The following DCDC1 variants were observed in gnomAD, a reference collection of about 807,000 sequenced individuals.
DCDC1 encodes the protein doublecortin domain-containing protein 1.
Under a neutral mutation model 178.3 loss-of-function variants are expected in DCDC1, and 200 were observed. That is an observed-to-expected ratio of 1.12 (90% CI 1.00 to 1.26). The LOEUF is 1.26. Among genes scored for constraint, DCDC1 ranks in the 50% most tolerant of loss-of-function variants. DCDC1 has a pLI of 0.00. For missense variants in DCDC1, 1,983 were observed against 1,749.2 expected, an observed-to-expected ratio of 1.13 and a Z score of -2.38; for synonymous variants, 690 against 604.8, an observed-to-expected ratio of 1.14 and a Z score of -2.07.
At chr11:30,968,004 C>T (rs1489072637) in intron 20 of DCDC1, among the ~76,000 whole-genome samples, 1 of 152,096 alleles carries the variant, frequency 6.6e-6, no homozygotes, top group Non-Finnish European at 1.5e-5. Context: ...AACAAGGATG[C>T]TTTGTCTAAA....
At chr11:31,047,606 T>C (rs746936973) in intron 20 of DCDC1, among the ~76,000 whole-genome samples, 2 of 152,224 alleles carry the variant, frequency 1.3e-5, no homozygotes, top group Non-Finnish European at 2.9e-5. Context: ...GGTGATTTAA[T>C]ATACTCAATT....
intron 11 of DCDC1, among the ~76,000 whole-genome samples, chr11:31,115,693 C>T (rs191417642): frequency 1.6e-3 from 238 of 152,128 alleles, no homozygotes; most frequent in Middle Eastern, 3.4e-3. Flanking sequence ...GACCCTGAGA[C>T]CAAGATTTGC....
In DCDC1 at chr11:31,103,640, T is replaced by G. The variant is rs748937781; in HGVS notation, c.1877+4A>C. On this transcript the variant is annotated splice_donor_region_variant and intron_variant, in intron 14 of 38. Coordinates refer to ENST00000684477, the MANE Select transcript of DCDC1 (RefSeq NM_001387274.1). The stretch of plus-strand genomic sequence containing the variant: ...ATCTTTAACAAGATTACTTGTTAAT[T>G]TACTTGCCACATCCAGGTAGCAGAA... 2 of 757,324 alleles carry G rather than the reference T, an allele frequency of 2.6e-6. No homozygotes were observed. Among genetic ancestry groups the G allele is most frequent in the Admixed American group, 3.6e-5 (2 of 56,176 alleles). The allele number at this position is 757,324 out of a possible 1,614,324, so 46.9% of individuals were successfully genotyped here. A position where few individuals can be genotyped will look rare whatever the true frequency, so the allele number is the denominator to read the frequency against.
rs117633013 is a variant in DCDC1, at chr11:31,278,937, G to A, written c.960+11710C>T. Among the ~76,000 whole-genome samples, 58 of 152,134 alleles carry A rather than the reference G, an allele frequency of 3.8e-4. 2 individuals are homozygous for A. In the East Asian group the frequency reaches 9.1e-3, roughly 24 times the overall value. Reference sequence around the variant, plus strand: ...GCTATCTAATTCCTTTGCATTTCTAGCATTTCCACGTATATTTTAGAAATA... The same window carrying A: ...GCTATCTAATTCCTTTGCATTTCTAACATTTCCACGTATATTTTAGAAATA... On this transcript the variant is annotated intron_variant, in intron 7 of 38. Coordinates refer to ENST00000684477, the MANE Select transcript of DCDC1 (RefSeq NM_001387274.1).
At chr11:31,101,838 A>G (rs935764522) in intron 15 of DCDC1, among the ~76,000 whole-genome samples, 1 of 152,142 alleles carries the variant, frequency 6.6e-6, no homozygotes, top group Non-Finnish European at 1.5e-5. Flanking sequence ...GCAATTTGGG[A>G]GGCCGAGGTG....
intron 18 of DCDC1, among the ~76,000 whole-genome samples, chr11:31,067,078 A>G (rs1956290032): frequency 6.6e-6 from 1 of 152,194 alleles, no homozygotes; most frequent in South Asian, 2.1e-4. Flanking sequence ...CACAAGTGAC[A>G]AAAGAAAAAT....
At chr11:31,266,771 T>C (rs1398213153) in intron 7 of DCDC1, among the ~76,000 whole-genome samples, 1 of 152,212 alleles carries the variant, frequency 6.6e-6, no homozygotes, top group Non-Finnish European at 1.5e-5. Flanking sequence ...ACCAATTCAT[T>C]AGCTTTGTGA....
intron 1 of DCDC1, among the ~76,000 whole-genome samples, chr11:31,347,936 C>A (rs534225566): frequency 6.6e-6 from 1 of 152,250 alleles, no homozygotes; most frequent in African/African-American, 2.4e-5. Context: ...CAGCTGTCAG[C>A]CCAGAAGTGA....
At chr11:31,023,126 C>T (rs288460) in intron 20 of DCDC1, among the ~76,000 whole-genome samples, 82,147 of 151,866 alleles carry the variant, frequency 0.54, 23,425 homozygotes, top group African/African-American at 0.74. Flanking sequence ...AATTGCATGA[C>T]AGGGAGGCAA....
intron 1 of DCDC1, among the ~76,000 whole-genome samples, chr11:31,335,961 T>C (rs1410256170): frequency 1.3e-5 from 2 of 152,218 alleles, no homozygotes; most frequent in East Asian, 1.9e-4. Flanking sequence ...TGTTCTGAAA[T>C]AAATGCTTTC....
chr11:31,187,940 T>C (rs547048198), intron 9 of DCDC1, among the ~76,000 whole-genome samples: 148 of 152,346 alleles, frequency 9.7e-4, no homozygotes, highest in African/African-American at 3.1e-3. Flanking sequence ...ATAATAATAC[T>C]TGATATTGTT....
At chr11:31,284,955 T>A (rs1027551284) in intron 7 of DCDC1, among the ~76,000 whole-genome samples, 1 of 152,158 alleles carries the variant, frequency 6.6e-6, no homozygotes, top group African/African-American at 2.4e-5. Context: ...ATGTCTTAAC[T>A]GCTCCTAAAT....
intron 20 of DCDC1, among the ~76,000 whole-genome samples, chr11:31,037,432 CT>C (rs398055131): frequency 1.0e-3 from 60 of 58,924 alleles, no homozygotes; most frequent in South Asian, 1.7e-3. Flanking sequence ...ATATTTCTTT[CT>C]TTTTTTTTTT....
chr11:30,915,681 C>T lies in DCDC1; in HGVS notation c.3483G>A (p.Lys1161=). 1 of 1,613,766 alleles carries T rather than the reference C, an allele frequency of 6.2e-7. No individual in the cohort carries two copies. Among genetic ancestry groups the T allele is most frequent in the East Asian group, 2.2e-5 (1 of 44,854 alleles). Residue 1161 remains lysine, a synonymous_variant, in exon 27 of 39, where the codon AAG becomes AAA. Transcript: ENST00000684477. ...SCSPKHSKLH[K]HCHQQFEYRD... ...TGTATTCGAACTGCTGATGACAATG[C>T]TTGTGCAATTTACTATGCTTTGGTG...
chr11:31,204,845 C>G (rs1396649048), intron 9 of DCDC1, among the ~76,000 whole-genome samples: 1 of 152,034 alleles, frequency 6.6e-6, no homozygotes, highest in Non-Finnish European at 1.5e-5. Context: ...AACAAGCAAA[C>G]AAAAAACAAA....
Position 30,915,367 on chromosome 11 carries a change from G to A in DCDC1, c.3653+144C>T, listed in dbSNP as rs1360963804. 4 of 799,044 alleles carry A rather than the reference G, an allele frequency of 5.0e-6. No homozygotes were observed. In the South Asian group the frequency reaches 7.3e-5, roughly 15 times the overall value. The allele number at this position is 799,044 out of a possible 1,614,324, so 49.5% of individuals were successfully genotyped here. A position where few individuals can be genotyped will look rare whatever the true frequency, so the allele number is the denominator to read the frequency against. On this transcript the variant is annotated intron_variant, in intron 27 of 38. Coordinates refer to ENST00000684477, the MANE Select transcript of DCDC1 (RefSeq NM_001387274.1). ...GATTTTATTCCCTTCCTCTTCTTTG[G>A]CTAGGATAAAGAATTATCAGCTAAG...
At chr11:31,022,646 TG>T (rs1952955825) in intron 20 of DCDC1, among the ~76,000 whole-genome samples, 1 of 115,008 alleles carries the variant, frequency 8.7e-6, no homozygotes. Flanking sequence ...TTTTAGTTTG[TG>T]TGTGTGTGTG....
intron 10 of DCDC1, among the ~76,000 whole-genome samples, chr11:31,134,205 G>T (rs150560621): frequency 6.4e-4 from 98 of 152,282 alleles, no homozygotes; most frequent in Middle Eastern, 3.4e-3. Flanking sequence ...AACTCTTCTG[G>T]CAATGGGGTT....
chr11:30,921,125 T>C (rs1259724296), intron 24 of DCDC1, among the ~76,000 whole-genome samples, 190 bp from the exon 25 acceptor site: 1 of 152,210 alleles, frequency 6.6e-6, no homozygotes, highest in Non-Finnish European at 1.5e-5. Context: ...ATATTCTTAG[T>C]CAAAAATACT....
Sources: allele counts gnomAD v4.1 joint callset (sites outside exome capture counted in the v4.1 genomes callset), GRCh38; gene constraint gnomAD v4.1.1; transcripts MANE v1.5; gene names NCBI Gene and HGNC (gene_info 2026-07-23, HGNC 2026-07-21).